Variants in TMEM181 observed in about 807,000 individuals in gnomAD.
The protein encoded by TMEM181 is transmembrane protein 181.
In TMEM181, 39 loss-of-function variants were observed where a neutral mutation model predicts 71.9. That is an observed-to-expected ratio of 0.54 (90% CI 0.42 to 0.71). The LOEUF is 0.71. Among genes scored for constraint, TMEM181 ranks in the 30% least tolerant of loss-of-function variants. The probability of loss-of-function intolerance (pLI) is 0.00; values close to 1 mark genes in which losing one functional copy is unlikely to be tolerated. For synonymous variants in TMEM181, 245 were observed against 228.8 expected (o/e 1.07, Z -0.64); for missense variants, 595 against 583.0 (o/e 1.02, Z -0.21).
At chr6:158,568,023 G>A (rs1257187077) in intron 1 of TMEM181, among the ~76,000 whole-genome samples, 1 of 152,130 alleles carries the variant, frequency 6.6e-6, no homozygotes. Context: ...GCGTTTGGAG[G>A]TGATGGCAGC....
chr6:158,581,039 T>C, intron 3 of TMEM181, 44 bp downstream of exon 3: 1 of 1,565,626 alleles, frequency 6.4e-7, no homozygotes, highest in Non-Finnish European at 8.8e-7. Context: ...GGGTGCATTA[T>C]AAACCTCAGG....
At chr6:158,595,816 G>T (rs1784358380) in intron 6 of TMEM181, among the ~76,000 whole-genome samples, 1 of 152,144 alleles carries the variant, frequency 6.6e-6, no homozygotes, top group Non-Finnish European at 1.5e-5. Flanking sequence ...GGGCTTCTGG[G>T]GTGCTGGTGA....
At chr6:158,571,831 C>G (rs1187176174) in intron 1 of TMEM181, among the ~76,000 whole-genome samples, 1 of 152,218 alleles carries the variant, frequency 6.6e-6, no homozygotes, top group Non-Finnish European at 1.5e-5. Context: ...GGCACATGCA[C>G]TCTCTCCAGA....
intron 1 of TMEM181, among the ~76,000 whole-genome samples, chr6:158,540,245 T>C (rs1173835278): frequency 6.6e-6 from 1 of 152,206 alleles, no homozygotes; most frequent in Non-Finnish European, 1.5e-5. Flanking sequence ...AACAAGGACA[T>C]GGAATGTTCA....
At chr6:158,563,984 G>A (rs1253276032) in intron 1 of TMEM181, among the ~76,000 whole-genome samples, 1 of 152,154 alleles carries the variant, frequency 6.6e-6, no homozygotes, top group African/African-American at 2.4e-5. Flanking sequence ...TGCCATGTTG[G>A]CCAGGCTGGT....
upstream of TMEM181, among the ~76,000 whole-genome samples, chr6:158,557,450 C>G (rs2128283175): frequency 6.6e-6 from 1 of 152,166 alleles, no homozygotes; most frequent in Middle Eastern, 3.4e-3. Flanking sequence ...GGTCCCTTTC[C>G]CCTTTTCATA....
At chr6:158,605,956 C>T (rs765280028) in intron 7 of TMEM181, among the ~76,000 whole-genome samples, 19 of 152,284 alleles carry the variant, frequency 1.2e-4, no homozygotes, top group East Asian at 1.9e-4. Context: ...TGTTGCCGCC[C>T]GAAGTGTGGC....
At chr6:158,625,243 T>G in intron 12 of TMEM181, 37 bp downstream of exon 12, 2 of 1,571,136 alleles carry the variant, frequency 1.3e-6, no homozygotes, top group Non-Finnish European at 1.8e-6. Context: ...AGGGGTGGCT[T>G]GGGAGTGACT....
chr6:158,568,778 C>A (rs138057549), intron 1 of TMEM181, among the ~76,000 whole-genome samples: 2 of 152,150 alleles, frequency 1.3e-5, no homozygotes, highest in Admixed American at 1.3e-4. Flanking sequence ...GGACTCCAGC[C>A]GCTGTGGTCA....
At chr6:158,617,697 C>G (rs994340313) in intron 10 of TMEM181, among the ~76,000 whole-genome samples, 1 of 152,174 alleles carries the variant, frequency 6.6e-6, no homozygotes, top group Non-Finnish European at 1.5e-5. Flanking sequence ...TCATTGGTTT[C>G]AAAGAACATC....
upstream of TMEM181, among the ~76,000 whole-genome samples, chr6:158,556,168 A>G (rs545457269): frequency 5.8e-4 from 89 of 152,368 alleles, no homozygotes; most frequent in African/African-American, 2.0e-3. Flanking sequence ...AGGCAGCCTT[A>G]TAACCAAAAC....
intron 10 of TMEM181, among the ~76,000 whole-genome samples, chr6:158,612,463 T>C (rs1246812282): frequency 6.6e-6 from 1 of 152,218 alleles, no homozygotes; most frequent in African/African-American, 2.4e-5. Flanking sequence ...GCCATGCTCC[T>C]GTCAGTTAAG....
At chr6:158,625,429 CTG>C (rs1203308742) in intron 12 of TMEM181, among the ~76,000 whole-genome samples, 1 of 152,132 alleles carries the variant, frequency 6.6e-6, no homozygotes, top group African/African-American at 2.4e-5. Flanking sequence ...TCCTGCGGGA[CTG>C]TACCCTGCAG....
intron 6 of TMEM181, 51 bp from the exon 7 acceptor site, chr6:158,605,216 T>C (rs1363714203): frequency 2.1e-6 from 3 of 1,428,424 alleles, no homozygotes; most frequent in Non-Finnish European, 3.0e-6. Flanking sequence ...GTATTTTCTC[T>C]TAGATGCATA....
intron 4 of TMEM181, 27 bp from the exon 5 acceptor site, chr6:158,585,277 C>CT (rs1310189838): frequency 3.8e-6 from 6 of 1,581,354 alleles, no homozygotes; most frequent in African/African-American, 1.4e-5. Flanking sequence ...GGCATGGTCT[C>CT]TAACACTGAA....
chr6:158,624,158 C>T (rs562144804), intron 11 of TMEM181, among the ~76,000 whole-genome samples: 1 of 152,334 alleles, frequency 6.6e-6, no homozygotes. Flanking sequence ...GGCTGCTCTT[C>T]CTTCCCAGTC....
intron 1 of TMEM181, among the ~76,000 whole-genome samples, chr6:158,550,081 G>A (rs1339028751): frequency 6.7e-6 from 1 of 149,102 alleles, no homozygotes; most frequent in Non-Finnish European, 1.5e-5. Flanking sequence ...AGGTTTTGAT[G>A]TCCCTCCGTG....
At chr6:158,562,914 T>C (rs1782268952) in intron 1 of TMEM181, among the ~76,000 whole-genome samples, 1 of 152,148 alleles carries the variant, frequency 6.6e-6, no homozygotes, top group African/African-American at 2.4e-5. Flanking sequence ...ATGAGGAAAC[T>C]GAGGTATGAA....
intron 11 of TMEM181, among the ~76,000 whole-genome samples, chr6:158,623,933 G>C (rs1229847212): frequency 6.6e-6 from 1 of 152,128 alleles, no homozygotes; most frequent in African/African-American, 2.4e-5. Context: ...GGTAATTTCT[G>C]TATTTTTAGT....
Sources: gnomAD v4.1 joint callset for allele counts (sites outside exome capture counted in the v4.1 genomes callset) on GRCh38, gnomAD v4.1.1 for gene constraint, MANE v1.5 for transcripts, NCBI Gene and HGNC (gene_info 2026-07-23, HGNC 2026-07-21) for gene names.